The following VSIG10L variants were observed in gnomAD, a reference collection of about 807,000 sequenced individuals.
VSIG10L encodes the protein V-set and immunoglobulin domain containing 10 like, also known as V-set and immunoglobulin domain-containing protein 10-like.
A neutral mutation model predicts 67.3 loss-of-function variants in VSIG10L; 63 were observed. That is an observed-to-expected ratio of 0.94 (90% CI 0.76 to 1.15). The LOEUF is 1.15. VSIG10L is among the 50% of genes most tolerant of loss of function. The pLI, the probability that VSIG10L is intolerant of heterozygous loss-of-function variation, is 0.00. For missense variants in VSIG10L, 1,050 were observed against 1,177.5 expected, an observed-to-expected ratio of 0.89 and a Z score of 1.58; for synonymous variants, 499 against 524.9, an observed-to-expected ratio of 0.95 and a Z score of 0.67.
chr19:51,334,805 G>C (rs1477257666), intron 7 of VSIG10L, among the ~76,000 whole-genome samples: 1 of 148,086 alleles, frequency 6.8e-6, no homozygotes, highest in African/African-American at 2.6e-5. Context: ...AGCCAGGTGC[G>C]GTGGCTGCGC....
At position 51,332,152 on chromosome 19, in the gene VSIG10L, C is replaced by A; in HGVS notation, c.*459G>T. ...AATATCTGAAGGGAAATGCACAGGC[C>A]GTAGAAGCGTTTAAAGAGAAGAGTG... On this transcript the variant is annotated 3_prime_UTR_variant, in exon 10 of 10. Transcript: ENST00000335624. 1 of 226,914 alleles carries A rather than the reference C, an allele frequency of 4.4e-6. No homozygotes were observed. The allele number at this position is 226,914 out of a possible 1,614,324, so 14.1% of individuals were successfully genotyped here.
At chr19:51,334,105 T>G in intron 8 of VSIG10L, 86 bp downstream of exon 8, 1 of 1,482,988 alleles carries the variant, frequency 6.7e-7, no homozygotes, top group Non-Finnish European at 9.2e-7. Context: ...ACGGCACTGA[T>G]TGCCTCAGCC....
Position 51,340,201 on chromosome 19 carries a change from C to G in VSIG10L, c.1288G>C (p.Ala430Pro). Residue 430 changes from alanine to proline, a missense_variant, in exon 4 of 10, where the codon GCC (alanine) becomes CCC (proline). This residue lies in a region of VSIG10L where 10 missense variants were observed against 34.7 expected (regional missense o/e 0.29). Coordinates refer to ENST00000335624, the MANE Select transcript of VSIG10L (RefSeq NM_001163922.3). The surrounding 1 kb of genome is among the most constrained non-coding windows in gnomAD (Gnocchi z 6.3). ...ATGTCGGCGGGCGGCCGCGAGGCGG[C>G]GGCGCAGCGCAAGGTCACGTTACTG... is the stretch of plus-strand genomic sequence containing the variant. Reference protein sequence around the residue: ...AGSNVTLRCAAASRPPADITW... With the variant: ...AGSNVTLRCAPASRPPADITW... 6.8e-7 allele frequency: 1 copy of G among 1,460,010 alleles called. No individual in the cohort carries two copies. Among genetic ancestry groups the G allele is most frequent in the Non-Finnish European group, 9.0e-7 (1 of 1,111,578 alleles). 90.4% of individuals were successfully genotyped at this position (1,460,010 alleles called of 1,614,324 possible). A position where few individuals can be genotyped will look rare whatever the true frequency, so the allele number is the denominator to read the frequency against.
At chr19:51,333,974 A>G in intron 8 of VSIG10L, 29 bp from the exon 9 acceptor site, 2 of 1,550,862 alleles carry the variant, frequency 1.3e-6, no homozygotes, top group South Asian at 2.4e-5. Context: ...AGAAGCAGGA[A>G]CACGTGATTG....
intron 7 of VSIG10L, among the ~76,000 whole-genome samples, chr19:51,335,935 G>T (rs918465991): frequency 1.3e-5 from 2 of 152,068 alleles, no homozygotes; most frequent in Non-Finnish European, 2.9e-5. Flanking sequence ...CCCAAAAAGT[G>T]AAGATCTTAA....
Position 51,340,742 on chromosome 19 carries a change from T to A in VSIG10L, c.896-16A>T, listed in dbSNP as rs901491861. ...GGTAGGGGCTCTGGGAGAGGGAGAA[T>A]GGGCTCAGGACCCACCCAGTCCTGG... is the stretch of plus-strand genomic sequence containing the variant. On this transcript the variant is annotated splice_polypyrimidine_tract_variant and intron_variant, in intron 2 of 9. Coordinates refer to ENST00000335624, the MANE Select transcript of VSIG10L (RefSeq NM_001163922.3). This position sits in a 1 kb window ranked among gnomAD's most constrained non-coding sequence, Gnocchi z 6.3. The A allele has an allele frequency of 1.2e-5, 18 of 1,476,592 alleles. No homozygotes were observed. The highest frequency in any genetic ancestry group is 4.6e-5 in the Admixed American group (2 of 43,826). The allele number at this position is 1,476,592 out of a possible 1,614,324, so 91.5% of individuals were successfully genotyped here.
In VSIG10L at chr19:51,340,502, C is replaced by G; in HGVS notation, c.1120G>C (p.Ala374Pro). 1.3e-6 allele frequency: 2 copies of G among 1,530,778 alleles called. No individual in the cohort carries two copies. The highest frequency in any genetic ancestry group is 1.7e-6 in the Non-Finnish European group (2 of 1,142,874). 94.8% of individuals were successfully genotyped at this position (1,530,778 alleles called of 1,614,324 possible). The change falls in exon 3 of 10, where the codon GCC (alanine) becomes CCC (proline). Residue 374 changes from alanine (A) to proline (P), a missense_variant. By Grantham distance (27) the Ala-to-Pro change is conservative (BLOSUM62 -1). Coordinates refer to ENST00000335624, the MANE Select transcript of VSIG10L (RefSeq NM_001163922.3). The surrounding 1 kb of genome is among the most constrained non-coding windows in gnomAD (Gnocchi z 6.3). ...LIVRPVRSDHARYTCRVRSPF... is the reference protein window; with the variant it reads ...LIVRPVRSDHPRYTCRVRSPF... ...CTGCGGACGCGGCAAGTGTACCGGG[C>G]GTGGTCGCTGCGCACAGGGCGCACG...
rs1272996191 is a variant in VSIG10L at position 51,338,079 on chromosome 19, A to C, written c.1859T>G (p.Leu620Arg). The change falls in exon 6 of 10, where the codon CTG (leucine) becomes CGG (arginine). Residue 620 changes from leucine to arginine, a missense_variant. By Grantham distance (102) the Leu-to-Arg change is moderately radical. This residue lies in a region of VSIG10L where 529 missense variants were observed against 584.9 expected (regional missense o/e 0.90). Coordinates refer to ENST00000335624, the MANE Select transcript of VSIG10L (RefSeq NM_001163922.3). ...RASWAREGRP[L>R]APGGGSRLRL... Reference sequence around the variant, plus strand: ...CAGGCGACTCCCGCCTCCTGGAGCCAGGGGCCTCCCTTCCCGGGCCCAGGA... The same window carrying C: ...CAGGCGACTCCCGCCTCCTGGAGCCCGGGGCCTCCCTTCCCGGGCCCAGGA... 6.4e-7 allele frequency: 1 copy of C among 1,551,404 alleles called. No homozygotes were observed. The highest frequency in any genetic ancestry group is 8.7e-7 in the Non-Finnish European group (1 of 1,146,930).
At position 51,340,881 on chromosome 19, in the gene VSIG10L, ACCT is replaced by A. The variant is rs1181918132; in HGVS notation, c.896-158_896-156del. On this transcript the variant is annotated intron_variant, in intron 2 of 9. Transcript: ENST00000335624. The surrounding 1 kb of genome is among the most constrained non-coding windows in gnomAD (Gnocchi z 6.3). ...AACCTATGAGTTTGAGCCCCCAGAC[ACCT>A]CCTCTCCGGGACCCAGGAGTTCGCC... Among the ~76,000 whole-genome samples the A allele has an allele frequency of 1.3e-5, 2 of 151,430 alleles. No individual in the cohort carries two copies.
chr19:51,337,557 G>A lies in VSIG10L; in HGVS notation c.2009-23C>T, dbSNP rs532410362. On this transcript the variant is annotated intron_variant, in intron 6 of 9. Coordinates refer to ENST00000335624, the MANE Select transcript of VSIG10L (RefSeq NM_001163922.3). ...GTCCTAGAGGGATGTGGGGGTGGCT[G>A]GATTCTTGGGTGCCAGAGGGGAGAG... 295 of 1,473,230 alleles carry A rather than the reference G, an allele frequency of 2.0e-4. 3 individuals are homozygous for A. In the South Asian group the frequency reaches 3.6e-3, roughly 18 times the overall value. 91.3% of individuals were successfully genotyped at this position (1,473,230 alleles called of 1,614,324 possible). A position where few individuals can be genotyped will look rare whatever the true frequency, so the allele number is the denominator to read the frequency against.
Position 51,337,337 on chromosome 19 carries a change from G to A in VSIG10L, c.2206C>T (p.Pro736Ser), listed in dbSNP as rs1373744601. The change falls in exon 7 of 10, where the codon CCC (proline) becomes TCC (serine). Residue 736 changes from proline to serine, a missense_variant. This residue lies in a region of VSIG10L where 529 missense variants were observed against 584.9 expected (regional missense o/e 0.90). Transcript: ENST00000335624. ...GTCCCTGGGTTCCGAGGTGGAAGGG[G>A]CACCACGGCTGACCGCTCCTGAGGC... Reference protein sequence around the residue: ...LGPQERSAVVPLPPRNPGTWT... With the variant: ...LGPQERSAVVSLPPRNPGTWT... 1 of 1,551,710 alleles carries A rather than the reference G, an allele frequency of 6.4e-7. No individual in the cohort carries two copies. The highest frequency in any genetic ancestry group is 1.2e-5 in the South Asian group (1 of 84,060).
chr19:51,334,098 G>T, intron 8 of VSIG10L, 93 bp downstream of exon 8: 2 of 1,468,334 alleles, frequency 1.4e-6, no homozygotes, highest in Non-Finnish European at 9.3e-7. Context: ...ACCTATGACG[G>T]CACTGATTGC....
In VSIG10L at chr19:51,338,985, C is replaced by A; in HGVS notation, c.1632G>T (p.Leu544=). 1.4e-6 allele frequency: 2 copies of A among 1,431,534 alleles called. No homozygotes were observed. Among genetic ancestry groups the A allele is most frequent in the South Asian group, 1.4e-5 (1 of 69,124 alleles). The allele number at this position is 1,431,534 out of a possible 1,614,324, so 88.7% of individuals were successfully genotyped here. A position where few individuals can be genotyped will look rare whatever the true frequency, so the allele number is the denominator to read the frequency against. The change falls in exon 5 of 10, where the codon CTG becomes CTT. Residue 544 remains leucine (L), a synonymous_variant. Coordinates refer to ENST00000335624, the MANE Select transcript of VSIG10L (RefSeq NM_001163922.3). ...GIRAGPVSSV[L]LAAVPAHPRL... is the part of the protein sequence containing the mutation. Reference sequence around the variant, plus strand: ...GGGGGTGGGCGGGGACGGCCGCCAGCAGCACAGAGGACACTGGCCCGGCGC... The same window carrying A: ...GGGGGTGGGCGGGGACGGCCGCCAGAAGCACAGAGGACACTGGCCCGGCGC...
Position 51,341,179 on chromosome 19 carries a change from G to A in VSIG10L, c.869C>T (p.Thr290Ile), listed in dbSNP as rs1985625882. 1 of 1,535,130 alleles carries A rather than the reference G, an allele frequency of 6.5e-7. No homozygotes were observed. The highest frequency in any genetic ancestry group is 8.8e-7 in the Non-Finnish European group (1 of 1,138,870). ...EVIRAGVSQQTHEFTVGVYEP... is the reference protein window; with the variant it reads ...EVIRAGVSQQIHEFTVGVYEP... The stretch of plus-strand genomic sequence containing the variant: ...ATACACACCCACCGTGAACTCGTGA[G>A]TCTGCTGGGAGACCCCTGCCCGGAT... The change falls in exon 2 of 10, where the codon ACT (threonine) becomes ATT (isoleucine). Residue 290 changes from threonine to isoleucine, a missense_variant. By Grantham distance (89) the Thr-to-Ile change is moderately conservative. Coordinates refer to ENST00000335624, the MANE Select transcript of VSIG10L (RefSeq NM_001163922.3).
chr19:51,334,093 T>G, intron 8 of VSIG10L, 98 bp downstream of exon 8: 1 of 1,462,332 alleles, frequency 6.8e-7, no homozygotes, highest in Non-Finnish European at 9.4e-7. Context: ...GGATGACCTA[T>G]GACGGCACTG....
At chr19:51,339,450 C>T (rs184618700) in intron 4 of VSIG10L, among the ~76,000 whole-genome samples, 1 of 152,278 alleles carries the variant, frequency 6.6e-6, no homozygotes, top group Admixed American at 6.5e-5. Context: ...TACTTCGCCC[C>T]CTCCTGGATT....
At chr19:51,334,104 A>C in intron 8 of VSIG10L, 87 bp downstream of exon 8, 4 of 1,481,978 alleles carry the variant, frequency 2.7e-6, no homozygotes, top group Non-Finnish European at 9.2e-7. Context: ...GACGGCACTG[A>C]TTGCCTCAGC....
At chr19:51,334,793 C>T (rs1985442882) in intron 7 of VSIG10L, among the ~76,000 whole-genome samples, 1 of 151,696 alleles carries the variant, frequency 6.6e-6, no homozygotes, top group Non-Finnish European at 1.5e-5. Flanking sequence ...AATAGAAAAA[C>T]TAGCCAGGTG....
rs756179500 is a variant in VSIG10L, at chr19:51,334,279, G to A, written c.2331C>T (p.Ile777=). 21 of 1,551,722 alleles carry A rather than the reference G, an allele frequency of 1.4e-5. No homozygotes were observed. The highest frequency in any genetic ancestry group is 1.2e-4 in the South Asian group (10 of 84,054). ...RAGPTLSHGA[I]AGIVLGSLLG... ...GCAGGGAGCCCAGGACGATGCCAGCGATGGCCCCATGGCTCAACGTGGGGC... is the reference window on the plus strand; with the variant it reads ...GCAGGGAGCCCAGGACGATGCCAGCAATGGCCCCATGGCTCAACGTGGGGC... The change falls in exon 8 of 10, where the codon ATC becomes ATT. Residue 777 remains isoleucine (I), a synonymous_variant. Transcript: ENST00000335624.
Sources: allele counts gnomAD v4.1 joint callset (sites outside exome capture counted in the v4.1 genomes callset), GRCh38; gene constraint gnomAD v4.1.1; regional missense constraint gnomAD v4.1.1; non-coding constraint Gnocchi (gnomAD v3.1); transcripts MANE v1.5; gene names NCBI Gene and HGNC (gene_info 2026-07-23, HGNC 2026-07-21).